CMC2: variants seen among roughly 807,000 people sequenced by gnomAD.
CMC2 encodes C-X9-C motif containing 2, also known as COX assembly mitochondrial protein 2 homolog.
CMC2 carries 5 observed loss-of-function variants against 7.5 expected under a neutral mutation model. That is an observed-to-expected ratio of 0.66 (90% CI 0.35 to 1.40). The LOEUF (loss-of-function observed/expected upper bound fraction) is 1.40. Ranked by LOEUF, CMC2 falls within the 40% of genes most tolerant of loss-of-function variation. The pLI is 0.04. For missense variants in CMC2, 115 were observed against 92.3 expected (o/e 1.25, Z -1.01); for synonymous variants, 37 against 31.4 (o/e 1.18, Z -0.60).
intron 1 of CMC2, chr16:81,001,263 A>G (rs1198816495): frequency 6.6e-6 from 1 of 152,232 alleles, no homozygotes; most frequent in East Asian, 1.9e-4. Flanking sequence ...TGATGGGATC[A>G]ACAGTACCCC....
intron 1 of CMC2, among the ~76,000 whole-genome samples, chr16:81,003,718 A>G (rs1282459633): frequency 6.6e-6 from 1 of 152,248 alleles, no homozygotes; most frequent in Non-Finnish European, 1.5e-5. Context: ...TCTAGGCCCA[A>G]GTTCCAAAGC....
chr16:81,005,110 A>C (rs1969162835), intron 1 of CMC2, among the ~76,000 whole-genome samples: 1 of 152,246 alleles, frequency 6.6e-6, no homozygotes, highest in Non-Finnish European at 1.5e-5. Context: ...AGAAAAAAAA[A>C]CTGTAAACAC....
chr16:80,967,152 G>A lies in CMC2; in HGVS notation c.*8941C>T, dbSNP rs7203109. 0.16 allele frequency: 24,409 copies of A among 152,134 alleles called. 2,489 individuals carry two copies. Among genetic ancestry groups the A allele is most frequent in the African/African-American group, 0.3 (12,389 of 41,438 alleles). The allele number at this position is 152,134 out of a possible 1,614,324, so 9.4% of individuals were successfully genotyped here. A position where few individuals can be genotyped will look rare whatever the true frequency, so the allele number is the denominator to read the frequency against. ...AGGAATAATGTGGTGTCTGCCCAGA[G>A]AGGTGTCAGCCCAGAGAGCTTTCAG... On this transcript the variant is annotated 3_prime_UTR_variant, in exon 4 of 4. Transcript: ENST00000219400.
chr16:80,979,483 G>A lies in CMC2; in HGVS notation c.153+2323C>T, dbSNP rs973329454. Among the ~76,000 whole-genome samples, 11 of 150,386 alleles carry A rather than the reference G, an allele frequency of 7.3e-5. No individual in the cohort carries two copies. In the South Asian group the frequency reaches 2.3e-3, roughly 31 times the overall value. On this transcript the variant is annotated intron_variant, in intron 3 of 3. Transcript: ENST00000219400. ...GTGGCAAAATTTCTGAACTATACAG[G>A]AAAAAAATTTAAAAACATGAAAAAA...
chr16:80,995,131 G>C (rs1968306121), intron 2 of CMC2, among the ~76,000 whole-genome samples: 1 of 152,140 alleles, frequency 6.6e-6, no homozygotes, highest in Admixed American at 6.5e-5. Context: ...GGGTGACAGA[G>C]CGAGACTCTG....
intron 2 of CMC2, among the ~76,000 whole-genome samples, chr16:80,985,635 G>A (rs1232450319): frequency 3.3e-5 from 5 of 152,146 alleles, no homozygotes; most frequent in Non-Finnish European, 5.9e-5. Context: ...TTAAAAGAGT[G>A]CAAAAGAGTC....
chr16:80,987,951 G>T (rs1052749088), intron 2 of CMC2, among the ~76,000 whole-genome samples: 1 of 151,990 alleles, frequency 6.6e-6, no homozygotes, highest in Admixed American at 6.6e-5. Flanking sequence ...CAAGGTAGGA[G>T]GACAGCTTGA....
In CMC2 at chr16:80,973,348, G is replaced by A. The variant is rs79623059; in HGVS notation, c.*2745C>T. The A allele has an allele frequency of 0.055, 8,314 of 152,158 alleles. 245 individuals are homozygous for A. The highest frequency in any genetic ancestry group is 0.073 in the Non-Finnish European group (4,945 of 68,008). The allele number at this position is 152,158 out of a possible 1,614,324, so 9.4% of individuals were successfully genotyped here. ...GATTTGGTGCCTTCTACCAAACTAC[G>A]GAGGAAGTGTTTCCAATACCCCAAT... On this transcript the variant is annotated 3_prime_UTR_variant, in exon 4 of 4. Coordinates refer to ENST00000219400, the MANE Select transcript of CMC2 (RefSeq NM_020188.5).
At chr16:80,992,934 CT>C (rs1216901661) in intron 2 of CMC2, among the ~76,000 whole-genome samples, 1 of 152,126 alleles carries the variant, frequency 6.6e-6, no homozygotes, top group African/African-American at 2.4e-5. Context: ...TCAAACGATC[CT>C]TTATCAATCT....
intron 2 of CMC2, among the ~76,000 whole-genome samples, chr16:80,995,222 TA>T (rs1230463253): frequency 6.7e-6 from 1 of 148,908 alleles, no homozygotes; most frequent in Non-Finnish European, 1.5e-5. Flanking sequence ...TTTATTTGCC[TA>T]AATGTCCATT....
chr16:80,980,734 A>T, intron 3 of CMC2: 1 of 658,752 alleles, frequency 1.5e-6, no homozygotes, highest in Non-Finnish European at 2.7e-6. Flanking sequence ...CTACAAAAAA[A>T]TGTGTAAAAC....
At chr16:80,997,484 A>G in intron 1 of CMC2, 55 bp from the exon 2 acceptor site, 2 of 911,542 alleles carry the variant, frequency 2.2e-6, no homozygotes, top group Admixed American at 3.6e-5. Flanking sequence ...ACGCCACCTA[A>G]AAGTATCTTC....
intron 2 of CMC2, among the ~76,000 whole-genome samples, chr16:80,986,623 G>A (rs1967561999): frequency 6.6e-6 from 1 of 152,232 alleles, no homozygotes; most frequent in South Asian, 2.1e-4. Flanking sequence ...CTATGGCAGT[G>A]GCACTGGCAA....
In CMC2 at chr16:80,971,564, T is replaced by TATATATATATATATATATA. The variant is rs1555512300; in HGVS notation, c.*4528_*4529insTATATATATATATATATAT. 2.2e-3 allele frequency: 271 copies of TATATATATATATATATATA among 121,204 alleles called. 10 individuals carry two copies. The highest frequency in any genetic ancestry group is 0.01 in the African/African-American group (262 of 25,720). The allele number at this position is 121,204 out of a possible 1,614,324, so 7.5% of individuals were successfully genotyped here. ...CTATGGATACTGACATACATACATTTTATATATATATATATATATATGTAT... is the reference window on the plus strand; with the variant it reads ...CTATGGATACTGACATACATACATTTATATATATATATATATATATATATATATATATATATATATGTAT... On this transcript the variant is annotated 3_prime_UTR_variant, in exon 4 of 4. Coordinates refer to ENST00000219400, the MANE Select transcript of CMC2 (RefSeq NM_020188.5).
chr16:81,005,741 C>A (rs1403585036), intron 1 of CMC2, among the ~76,000 whole-genome samples: 1 of 152,176 alleles, frequency 6.6e-6, no homozygotes, highest in Non-Finnish European at 1.5e-5. Context: ...TCAGAGAATG[C>A]GCCCTCGCAG....
chr16:80,999,353 A>G (rs1597270978), intron 1 of CMC2, among the ~76,000 whole-genome samples: 1 of 152,364 alleles, frequency 6.6e-6, no homozygotes, highest in Non-Finnish European at 1.5e-5. Context: ...AATACATCCA[A>G]CCAAGGAGGT....
chr16:80,984,941 C>T (rs183071889), intron 2 of CMC2, among the ~76,000 whole-genome samples: 2 of 152,314 alleles, frequency 1.3e-5, no homozygotes, highest in East Asian at 3.9e-4. Context: ...TTTTCTTATA[C>T]TTACATGGAC....
rs545847743 is a variant in CMC2, at chr16:80,972,789, T to C, written c.*3304A>G. On this transcript the variant is annotated 3_prime_UTR_variant, in exon 4 of 4. Coordinates refer to ENST00000219400, the MANE Select transcript of CMC2 (RefSeq NM_020188.5). ...TTGGTATCCTGCACAGACCCTACAATGCCTTCCTGTTGCCCTTAGCAGGAA... is the reference window on the plus strand; with the variant it reads ...TTGGTATCCTGCACAGACCCTACAACGCCTTCCTGTTGCCCTTAGCAGGAA... 14 of 152,338 alleles carry C rather than the reference T, an allele frequency of 9.2e-5. No individual in the cohort carries two copies. The highest frequency in any genetic ancestry group is 2.9e-4 in the African/African-American group (12 of 41,564). 9.4% of individuals were successfully genotyped at this position (152,338 alleles called of 1,614,324 possible). A position where few individuals can be genotyped will look rare whatever the true frequency, so the allele number is the denominator to read the frequency against.
chr16:80,979,620 T>A (rs78465097), intron 3 of CMC2, among the ~76,000 whole-genome samples: 39 of 151,926 alleles, frequency 2.6e-4, no homozygotes, highest in African/African-American at 8.4e-4. Context: ...TTATTTTATT[T>A]TTTTTTAATT....
Sources: gnomAD v4.1 joint callset for allele counts (sites outside exome capture counted in the v4.1 genomes callset) on GRCh38, gnomAD v4.1.1 for gene constraint, MANE v1.5 for transcripts, NCBI Gene and HGNC (gene_info 2026-07-23, HGNC 2026-07-21) for gene names.